The following DIP2B variants were observed in gnomAD, a reference collection of about 807,000 sequenced individuals.
DIP2B encodes the protein disco-interacting protein 2 homolog B.
A neutral mutation model predicts 198.0 loss-of-function variants in DIP2B; 76 were observed. That is an observed-to-expected ratio of 0.38 (90% CI 0.32 to 0.46). The LOEUF (loss-of-function observed/expected upper bound fraction) is 0.46, where lower values mean the gene tolerates loss of function less well. DIP2B is among the 20% of genes least tolerant of loss of function. The pLI is 0.99. For missense variants in DIP2B, 1,559 were observed against 1,978.4 expected (o/e 0.79, Z 4.02); for synonymous variants, 701 against 739.1 (o/e 0.95, Z 0.84).
chr12:50,670,709 G>A (rs1023812970), intron 4 of DIP2B, among the ~76,000 whole-genome samples: 2 of 152,110 alleles, frequency 1.3e-5, no homozygotes, highest in African/African-American at 2.4e-5. Flanking sequence ...GAGCCACCAC[G>A]CCCGGCCTGG....
chr12:50,623,155 G>A (rs977441285), intron 1 of DIP2B, among the ~76,000 whole-genome samples: 2 of 151,980 alleles, frequency 1.3e-5, no homozygotes, highest in Non-Finnish European at 2.9e-5. Flanking sequence ...AGACCGAGAC[G>A]AGAGGATTGC....
chr12:50,703,044 C>T (rs371305491), intron 19 of DIP2B, among the ~76,000 whole-genome samples: 3 of 151,762 alleles, frequency 2.0e-5, no homozygotes, highest in South Asian at 2.1e-4. Context: ...GACAATGTAG[C>T]GAGACCCATC....
At chr12:50,570,860 T>A (rs1355237026) in intron 1 of DIP2B, among the ~76,000 whole-genome samples, 1 of 152,202 alleles carries the variant, frequency 6.6e-6, no homozygotes, top group African/African-American at 2.4e-5. Flanking sequence ...TGAAACAAGG[T>A]TTTCAGAAGT....
At chr12:50,730,017 C>A (rs974580838) in intron 30 of DIP2B, among the ~76,000 whole-genome samples, 1 of 152,194 alleles carries the variant, frequency 6.6e-6, no homozygotes, top group Non-Finnish European at 1.5e-5. Context: ...GCCACCACAC[C>A]CAGTCCCATT....
intron 28 of DIP2B, among the ~76,000 whole-genome samples, chr12:50,726,387 G>A (rs1939934297): frequency 6.6e-6 from 1 of 152,186 alleles, no homozygotes; most frequent in South Asian, 2.1e-4. Context: ...CCCTCACTCT[G>A]TCATCCAGGC....
In DIP2B at chr12:50,744,689, G is replaced by A; in HGVS notation, c.4581G>A (p.Leu1527=). ...DLVPLVTNVV[L]EEHYLIVGVV... Reference sequence around the variant, plus strand: ...TCCCATTAGTGACCAACGTGGTCCTGGAAGAGCATTACCTCATCGTTGGCG... The same window carrying A: ...TCCCATTAGTGACCAACGTGGTCCTAGAAGAGCATTACCTCATCGTTGGCG... Residue 1527 remains leucine, a synonymous_variant, in exon 38 of 38, where the codon CTG becomes CTA. Coordinates refer to ENST00000301180, the MANE Select transcript of DIP2B (RefSeq NM_173602.3). 1 of 1,614,194 alleles carries A rather than the reference G, an allele frequency of 6.2e-7. No individual in the cohort carries two copies. The highest frequency in any genetic ancestry group is 8.5e-7 in the Non-Finnish European group (1 of 1,180,034).
intron 1 of DIP2B, among the ~76,000 whole-genome samples, chr12:50,570,417 C>A (rs1036683805): frequency 5.3e-5 from 8 of 152,170 alleles, no homozygotes; most frequent in African/African-American, 1.9e-4. Context: ...TATAAAGATA[C>A]AGGCAGTAAA....
At chr12:50,508,081 T>A (rs1957983799) in intron 1 of DIP2B, among the ~76,000 whole-genome samples, 1 of 152,214 alleles carries the variant, frequency 6.6e-6, no homozygotes, top group Non-Finnish European at 1.5e-5. Flanking sequence ...TGCTTTGGGC[T>A]CTTTGCTGCA....
At chr12:50,574,664 T>G (rs973502602) in intron 1 of DIP2B, among the ~76,000 whole-genome samples, 3 of 152,238 alleles carry the variant, frequency 2.0e-5, no homozygotes, top group African/African-American at 7.2e-5. Context: ...TTACAACTGG[T>G]GGACCTCGAT....
chr12:50,664,945 G>A (rs908354669), intron 4 of DIP2B, among the ~76,000 whole-genome samples: 3 of 142,208 alleles, frequency 2.1e-5, no homozygotes, highest in South Asian at 4.7e-4. Context: ...AACTCCCAGG[G>A]TCAAGCAGTC....
At chr12:50,537,388 A>G (rs567719602) in intron 1 of DIP2B, among the ~76,000 whole-genome samples, 1 of 152,086 alleles carries the variant, frequency 6.6e-6, no homozygotes, top group Non-Finnish European at 1.5e-5. Context: ...GTGAGGGAAT[A>G]GGTAGGGATT....
chr12:50,642,705 C>T (rs112567010), intron 3 of DIP2B, among the ~76,000 whole-genome samples: 3,096 of 152,226 alleles, frequency 0.02, 53 homozygotes, highest in Non-Finnish European at 0.03. Context: ...AGGAGAATGG[C>T]GTGAACCTGG....
chr12:50,735,465 T>G lies in DIP2B; in HGVS notation c.4101+335T>G, dbSNP rs568626202. On this transcript the variant is annotated intron_variant, in intron 34 of 37. Coordinates refer to ENST00000301180, the MANE Select transcript of DIP2B (RefSeq NM_173602.3). ...TTCATGGTTTTTTTTGTTTTTTTGT[T>G]TTTTGTTTTTTGTTTTTTTTGAGAT... is the stretch of plus-strand genomic sequence containing the variant. 5.1e-5 allele frequency among the ~76,000 whole-genome samples: 7 copies of G among 137,362 alleles called. No homozygotes were observed. The East Asian group carries it at 1.7e-3, about 33-fold the overall frequency. 90.1% of individuals were successfully genotyped at this position (137,362 alleles called of 152,430 possible). A position where few individuals can be genotyped will look rare whatever the true frequency, so the allele number is the denominator to read the frequency against.
intron 23 of DIP2B, among the ~76,000 whole-genome samples, chr12:50,716,715 T>C (rs1939724140): frequency 6.6e-6 from 1 of 152,186 alleles, no homozygotes; most frequent in Non-Finnish European, 1.5e-5. Context: ...AGATTTTTAA[T>C]ATTAATCCAG....
chr12:50,701,928 T>C (rs1265252805), intron 19 of DIP2B, among the ~76,000 whole-genome samples: 1 of 152,154 alleles, frequency 6.6e-6, no homozygotes, highest in Non-Finnish European at 1.5e-5. Flanking sequence ...GCATTTAGTG[T>C]TGTTATAATT....
In DIP2B at chr12:50,678,872, A is replaced by G; in HGVS notation, c.1110A>G (p.Thr370=). Reference sequence around the variant, plus strand: ...CAGGGAAACCAGTTTACACTCTTACATATGGTGAGTCTGCAAGATTCCAGA... The same window carrying G: ...CAGGGAAACCAGTTTACACTCTTACGTATGGTGAGTCTGCAAGATTCCAGA... ...DMTGKPVYTL[T]YGKLWSRSLK... Residue 370 remains threonine, a synonymous_variant, in exon 8 of 38, where the codon ACA becomes ACG. Coordinates refer to ENST00000301180, the MANE Select transcript of DIP2B (RefSeq NM_173602.3). The G allele has an allele frequency of 1.2e-6, 2 of 1,614,190 alleles. No individual in the cohort carries two copies. Among genetic ancestry groups the G allele is most frequent in the Non-Finnish European group, 1.7e-6 (2 of 1,180,024 alleles).
At chr12:50,693,416 G>A (rs563402064) in intron 14 of DIP2B, among the ~76,000 whole-genome samples, 144 of 152,194 alleles carry the variant, frequency 9.5e-4, no homozygotes, top group African/African-American at 3.3e-3. Flanking sequence ...TAGAGGTAGA[G>A]AGAGGGGACA....
At chr12:50,691,221 G>C in intron 13 of DIP2B, 70 bp downstream of exon 13, 3 of 1,336,920 alleles carry the variant, frequency 2.2e-6, no homozygotes, top group African/African-American at 1.4e-5. Flanking sequence ...ACAATGCTCA[G>C]TGATTGGACC....
chr12:50,585,111 C>T (rs1958759295), intron 1 of DIP2B, among the ~76,000 whole-genome samples: 1 of 152,196 alleles, frequency 6.6e-6, no homozygotes, highest in African/African-American at 2.4e-5. Flanking sequence ...CATCCTTATG[C>T]TTCAAGATGC....
Sources: gnomAD v4.1 joint callset for allele counts (sites outside exome capture counted in the v4.1 genomes callset) on GRCh38, gnomAD v4.1.1 for gene constraint, MANE v1.5 for transcripts, NCBI Gene and HGNC (gene_info 2026-07-23, HGNC 2026-07-21) for gene names.